Variants in RNF152 observed in about 807,000 individuals in gnomAD.
The protein encoded by RNF152 is E3 ubiquitin-protein ligase RNF152.
A neutral mutation model predicts 12.7 loss-of-function variants in RNF152; 11 were observed. The ratio of observed to expected loss-of-function variants is 0.86; its 90% CI spans 0.54 to 1.43. The LOEUF (loss-of-function observed/expected upper bound fraction) is 1.43, where lower values mean the gene tolerates loss of function less well. Among genes scored for constraint, RNF152 ranks in the 40% most tolerant of loss-of-function variants. The probability of loss-of-function intolerance (pLI) is 0.00; values close to 1 mark genes in which losing one functional copy is unlikely to be tolerated. For missense variants in RNF152, 255 were observed against 274.8 expected, an observed-to-expected ratio of 0.93 and a Z score of 0.51; for synonymous variants, 113 against 120.3, an observed-to-expected ratio of 0.94 and a Z score of 0.40.
upstream of RNF152, chr18:61,893,147 C>T (rs1314259913): frequency 1.3e-5 from 2 of 152,256 alleles, no homozygotes; most frequent in Admixed American, 6.5e-5. Context: ...ACGAGTTCCC[C>T]TCTGGTGGCA....
intron 1 of RNF152, among the ~76,000 whole-genome samples, chr18:61,820,680 T>C (rs1259076248): frequency 6.6e-6 from 1 of 152,158 alleles, no homozygotes; most frequent in Non-Finnish European, 1.5e-5. Context: ...CAAATGAGGC[T>C]GGGGACAAAA....
At position 61,812,827 on chromosome 18, in the gene RNF152, A is replaced by G. The variant is rs1908868981; in HGVS notation, c.*3025T>C. ...TCCTTTCATTTTCCCAGAGAGGTAG[A>G]TGCTAACTAAAATGAGTACATAAAC... On this transcript the variant is annotated 3_prime_UTR_variant, in exon 2 of 2. Coordinates refer to ENST00000312828, the MANE Select transcript of RNF152 (RefSeq NM_173557.3). The G allele has an allele frequency of 6.6e-6, 1 of 151,724 alleles. No individual in the cohort carries two copies. The highest frequency in any genetic ancestry group is 1.5e-5 in the Non-Finnish European group (1 of 67,974). 9.4% of individuals were successfully genotyped at this position (151,724 alleles called of 1,614,324 possible).
chr18:61,865,724 G>A (rs1356107429), intron 1 of RNF152, among the ~76,000 whole-genome samples: 1 of 152,156 alleles, frequency 6.6e-6, no homozygotes, highest in Admixed American at 6.5e-5. Context: ...GAACATTAGA[G>A]TTTAGACATA....
intron 1 of RNF152, among the ~76,000 whole-genome samples, chr18:61,828,381 A>G (rs1338828507): frequency 6.6e-6 from 1 of 152,180 alleles, no homozygotes; most frequent in East Asian, 1.9e-4. Context: ...CCCCCCGAGT[A>G]GCTGGGACTA....
At chr18:61,872,103 A>G (rs961225544) in intron 1 of RNF152, among the ~76,000 whole-genome samples, 1 of 152,228 alleles carries the variant, frequency 6.6e-6, no homozygotes, top group Non-Finnish European at 1.5e-5. Flanking sequence ...GTGGAAGGCA[A>G]AATGGGAACA....
chr18:61,855,274 CA>C (rs1911170472), intron 1 of RNF152, among the ~76,000 whole-genome samples: 1 of 152,266 alleles, frequency 6.6e-6, no homozygotes, highest in Non-Finnish European at 1.5e-5. Flanking sequence ...TACCAGGAGT[CA>C]ACCTTAAAAG....
chr18:61,818,600 G>T (rs1909229613), intron 1 of RNF152, among the ~76,000 whole-genome samples: 1 of 152,286 alleles, frequency 6.6e-6, no homozygotes, highest in Admixed American at 6.5e-5. Flanking sequence ...CATTCAGGAA[G>T]TTCATATCAG....
chr18:61,816,223 T>C lies in RNF152; in HGVS notation c.241A>G (p.Ile81Val), dbSNP rs764201120. 6.2e-7 allele frequency: 1 copy of C among 1,614,182 alleles called. No homozygotes were observed. Among genetic ancestry groups the C allele is most frequent in the Non-Finnish European group, 8.5e-7 (1 of 1,180,024 alleles). The change falls in exon 2 of 2, where the codon ATT (isoleucine) becomes GTT (valine). Residue 81 changes from isoleucine (I) to valine (V), a missense_variant. Ile to Val is a conservative substitution (Grantham distance 29). Coordinates refer to ENST00000312828, the MANE Select transcript of RNF152 (RefSeq NM_173557.3). The stretch of plus-strand genomic sequence containing the variant: ...GGGGTGTGTTCGGAAGTGTGTGGAA[T>C]GGCGATGACAGCCAGGACCTCCGGG... ...DDPEVLAVIA[I>V]PHTSEHTPVF...
At chr18:61,864,242 G>A (rs1911630002) in intron 1 of RNF152, among the ~76,000 whole-genome samples, 1 of 152,080 alleles carries the variant, frequency 6.6e-6, no homozygotes, top group Non-Finnish European at 1.5e-5. Context: ...TAAGTCCCAG[G>A]CCTCCTGTGC....
chr18:61,886,257 C>G (rs1912692651), intron 1 of RNF152, among the ~76,000 whole-genome samples: 1 of 152,080 alleles, frequency 6.6e-6, no homozygotes, highest in Non-Finnish European at 1.5e-5. Context: ...GTCTAAAATT[C>G]CTTTAAATCA....
At chr18:61,880,441 C>G (rs913458182) in intron 1 of RNF152, among the ~76,000 whole-genome samples, 2 of 152,156 alleles carry the variant, frequency 1.3e-5, no homozygotes, top group Non-Finnish European at 1.5e-5. Flanking sequence ...GTCACATATC[C>G]CAGTTCCAGC....
At chr18:61,850,591 G>T (rs562482829) in intron 1 of RNF152, among the ~76,000 whole-genome samples, 1 of 152,270 alleles carries the variant, frequency 6.6e-6, no homozygotes, top group Admixed American at 6.5e-5. Flanking sequence ...CCATATACTT[G>T]ATTAGAGCAC....
chr18:61,841,043 G>C (rs1489062951), intron 1 of RNF152, among the ~76,000 whole-genome samples: 1 of 152,230 alleles, frequency 6.6e-6, no homozygotes, highest in Non-Finnish European at 1.5e-5. Context: ...AGGCTGGCAT[G>C]GGGTGAGAAA....
chr18:61,875,161 C>A (rs890098033), intron 1 of RNF152: 2 of 152,190 alleles, frequency 1.3e-5, no homozygotes, highest in Admixed American at 1.3e-4. Flanking sequence ...GGAAGGCAGG[C>A]ATTCTAAATG....
chr18:61,854,161 T>C (rs1346432620), intron 1 of RNF152, among the ~76,000 whole-genome samples: 1 of 152,228 alleles, frequency 6.6e-6, no homozygotes, highest in Non-Finnish European at 1.5e-5. Flanking sequence ...ACTATACAGT[T>C]AACAAGAAGT....
chr18:61,864,593 T>A (rs1019366883), intron 1 of RNF152, among the ~76,000 whole-genome samples: 29 of 152,170 alleles, frequency 1.9e-4, no homozygotes, highest in African/African-American at 7.0e-4. Context: ...GGGGACTAAC[T>A]CCCTCTTTCG....
At chr18:61,836,471 C>G (rs1395716206) in intron 1 of RNF152, among the ~76,000 whole-genome samples, 1 of 151,956 alleles carries the variant, frequency 6.6e-6, no homozygotes, top group Admixed American at 6.6e-5. Context: ...GGATTAGTGC[C>G]CTTATAAGAA....
At chr18:61,847,950 C>G (rs1910810321) in intron 1 of RNF152, among the ~76,000 whole-genome samples, 2 of 152,156 alleles carry the variant, frequency 1.3e-5, no homozygotes, top group African/African-American at 4.8e-5. Flanking sequence ...TGCAAGCTCT[C>G]ACCACACTCA....
chr18:61,865,304 G>A (rs746933773), intron 1 of RNF152, among the ~76,000 whole-genome samples: 1 of 152,116 alleles, frequency 6.6e-6, no homozygotes, highest in Non-Finnish European at 1.5e-5. Context: ...CTGAAAAAAT[G>A]TAAGGTTTCT....
Sources: gnomAD v4.1 joint callset for allele counts (sites outside exome capture counted in the v4.1 genomes callset) on GRCh38, gnomAD v4.1.1 for gene constraint, MANE v1.5 for transcripts, NCBI Gene and HGNC (gene_info 2026-07-23, HGNC 2026-07-21) for gene names.